Variants in PKN3 observed in about 807,000 individuals in gnomAD.
PKN3 encodes the protein protein kinase N3.
Under a neutral mutation model 113.1 loss-of-function variants are expected in PKN3, and 91 were observed. The observed-to-expected ratio is 0.80, with a 90% CI of 0.68 to 0.96. The LOEUF (loss-of-function observed/expected upper bound fraction) is 0.96. Ranked by LOEUF, PKN3 falls within the 40% of genes least tolerant of loss-of-function variation. The probability of loss-of-function intolerance (pLI) is 0.00; values close to 1 mark genes in which losing one functional copy is unlikely to be tolerated. For synonymous variants in PKN3, 467 were observed against 499.0 expected (o/e 0.94, Z 0.85); for missense variants, 1,052 against 1,202.2 (o/e 0.88, Z 1.85).
intron 6 of PKN3, among the ~76,000 whole-genome samples, chr9:128,708,959 C>T (rs796530868): frequency 1.1e-4 from 16 of 151,998 alleles, no homozygotes; most frequent in African/African-American, 3.9e-4. Context: ...TGAAACCAGC[C>T]TGGGCAACAT....
intron 5 of PKN3, 97 bp downstream of exon 5, chr9:128,707,120 T>C: frequency 6.3e-7 from 1 of 1,591,854 alleles, no homozygotes; most frequent in South Asian, 1.1e-5. Flanking sequence ...AAAGCAGGAC[T>C]TCTCTGTTGA....
intron 6 of PKN3, among the ~76,000 whole-genome samples, chr9:128,710,230 A>C (rs954135903): frequency 6.6e-6 from 1 of 151,408 alleles, no homozygotes; most frequent in Non-Finnish European, 1.5e-5. Flanking sequence ...GCCCGGCCAA[A>C]AAAGTTAATT....
In PKN3 at chr9:128,720,747, A is replaced by G. The variant is rs1862516917; in HGVS notation, c.*141A>G. ...GATTCAAAGTGGCAGCCATGGGGCC[A>G]CTGTTGTGGGCTTTGCTCAGTGTCA... is the stretch of plus-strand genomic sequence containing the variant. On this transcript the variant is annotated 3_prime_UTR_variant, in exon 22 of 22. Coordinates refer to ENST00000291906, the MANE Select transcript of PKN3 (RefSeq NM_013355.5). The surrounding 1 kb of genome is among the most constrained non-coding windows in gnomAD (Gnocchi z 5.5). 4.1e-6 allele frequency: 3 copies of G among 727,408 alleles called. No individual in the cohort carries two copies. The highest frequency in any genetic ancestry group is 2.6e-5 in the Admixed American group (1 of 39,172). The allele number at this position is 727,408 out of a possible 1,614,324, so 45.1% of individuals were successfully genotyped here.
At position 128,705,583 on chromosome 9, in the gene PKN3, T is replaced by G. The variant is rs573917272; in HGVS notation, c.265+40T>G. 2.6e-6 allele frequency: 4 copies of G among 1,548,576 alleles called. No individual in the cohort carries two copies. In the South Asian group the frequency reaches 4.8e-5, roughly 18 times the overall value. ...GAGACCCCCTCAGGACAGAAGGCTC[T>G]AGGCCCATCTGGCCCCTGGCCTTGG... On this transcript the variant is annotated intron_variant, in intron 2 of 21. Coordinates refer to ENST00000291906, the MANE Select transcript of PKN3 (RefSeq NM_013355.5).
intron 18 of PKN3, among the ~76,000 whole-genome samples, chr9:128,718,886 GT>G (rs1554781412): frequency 3.0e-5 from 1 of 33,000 alleles, no homozygotes; most frequent in Admixed American, 6.1e-4. Context: ...TCTGCCTTCT[GT>G]TTTTTTTTTG....
chr9:128,706,648 C>T, intron 3 of PKN3, 65 bp from the exon 4 acceptor site: 2 of 1,245,880 alleles, frequency 1.6e-6, no homozygotes, highest in East Asian at 5.1e-5. Flanking sequence ...GGCTCCAGTT[C>T]CTGGTCTGAT....
intron 16 of PKN3, among the ~76,000 whole-genome samples, chr9:128,718,108 C>T (rs1382112330): frequency 6.6e-6 from 1 of 152,020 alleles, no homozygotes; most frequent in Non-Finnish European, 1.5e-5. Flanking sequence ...CATTTAAGGG[C>T]CCATGAAGGG....
Position 128,702,797 on chromosome 9 carries a change from T to C in PKN3, c.-119T>C, listed in dbSNP as rs561202234. The stretch of plus-strand genomic sequence containing the variant: ...GCGGGTCTCGGGAGGGGGCGCCCGA[T>C]CCCGCGTCTCCGGCGCCGCTTCCCG... On this transcript the variant is annotated 5_prime_UTR_variant, in exon 1 of 22. Transcript: ENST00000291906. The C allele has an allele frequency of 1.3e-6, 1 of 751,916 alleles. No homozygotes were observed. The highest frequency in any genetic ancestry group is 1.6e-5 in the South Asian group (1 of 62,152). The allele number at this position is 751,916 out of a possible 1,614,324, so 46.6% of individuals were successfully genotyped here. A position where few individuals can be genotyped will look rare whatever the true frequency, so the allele number is the denominator to read the frequency against.
At chr9:128,716,611 AAATG>A (rs1468359144) in intron 15 of PKN3, 132 bp from the exon 16 acceptor site, 4 of 683,960 alleles carry the variant, frequency 5.8e-6, no homozygotes, top group Non-Finnish European at 1.0e-5. Flanking sequence ...AAAAAAAAAA[AAATG>A]AAAAGAAACC....
chr9:128,713,452 G>A (rs372784945), intron 8 of PKN3, 47 bp from the exon 9 acceptor site: 21 of 1,613,074 alleles, frequency 1.3e-5, no homozygotes, highest in African/African-American at 1.1e-4. Context: ...TGCCCAGGTC[G>A]GGGCTCGTTC....
At position 128,707,349 on chromosome 9, in the gene PKN3, C is replaced by T. The variant is rs200867685; in HGVS notation, c.779C>T (p.Ala260Val). Residue 260 changes from alanine to valine, a missense_variant, in exon 6 of 22, where the codon GCG becomes GTG. Physicochemically the swap from Ala to Val is moderately conservative, Grantham distance 64. Transcript: ENST00000291906. The stretch of plus-strand genomic sequence containing the variant: ...AGAGTGACCCGAGAGTTGCGGGCTG[C>T]GGTGCCTGGATACCCCCAGCCTTCA... ...RSRVTRELRA[A>V]VPGYPQPSGT... The T allele has an allele frequency of 9.1e-5, 147 of 1,613,454 alleles. 1 individual carries two copies. In the Admixed American group the frequency reaches 1.1e-3, roughly 12 times the overall value.
Position 128,714,232 on chromosome 9 carries a change from G to C in PKN3, c.1348G>C (p.Gly450Arg). The change falls in exon 11 of 22, where the codon GGC becomes CGC. Residue 450 changes from glycine to arginine, a missense_variant. Gly to Arg is a moderately radical substitution (Grantham distance 125). Around this residue, in one of 2 missense-constraint regions of PKN3, gnomAD observed 719 missense variants for 759.4 expected, o/e 0.95. Coordinates refer to ENST00000291906, the MANE Select transcript of PKN3 (RefSeq NM_013355.5). ...DFLRASQMNL[G>R]MAAWGRLVMN... The stretch of plus-strand genomic sequence containing the variant: ...CCTGAGGGCTTCGCAGATGAACCTC[G>C]GCATGGCGGCCTGGGGGCGCCTCGT... The C allele has an allele frequency of 1.2e-6, 2 of 1,613,900 alleles. No individual in the cohort carries two copies. Among genetic ancestry groups the C allele is most frequent in the African/African-American group, 2.7e-5 (2 of 74,984 alleles).
intron 11 of PKN3, 87 bp from the exon 12 acceptor site, chr9:128,714,475 T>C: frequency 9.0e-7 from 1 of 1,109,398 alleles, no homozygotes; most frequent in East Asian, 2.3e-5. Context: ...GCTAACCCTC[T>C]GTCCATCTCA....
intron 11 of PKN3, 37 bp downstream of exon 11, chr9:128,714,402 T>C: frequency 3.2e-6 from 5 of 1,553,524 alleles, no homozygotes. Context: ...CATGCTCCTC[T>C]GTGGCGGCTT....
rs1344677121 is a variant in PKN3 at position 128,720,036 on chromosome 9, G to A, written c.2376+19G>A. Reference sequence around the variant, plus strand: ...TCAGAAGGTAAGCACTGCGGGGTCTGGGGCTGGGCTGGATGGCCGCTCAAG... The same window carrying A: ...TCAGAAGGTAAGCACTGCGGGGTCTAGGGCTGGGCTGGATGGCCGCTCAAG... On this transcript the variant is annotated intron_variant, in intron 20 of 21. Coordinates refer to ENST00000291906, the MANE Select transcript of PKN3 (RefSeq NM_013355.5). The surrounding 1 kb of genome is among the most constrained non-coding windows in gnomAD (Gnocchi z 5.5). 1 of 1,603,736 alleles carries A rather than the reference G, an allele frequency of 6.2e-7. No individual in the cohort carries two copies. The highest frequency in any genetic ancestry group is 1.7e-5 in the Admixed American group (1 of 60,012).
Position 128,707,403 on chromosome 9 carries a change from C to A in PKN3, c.833C>A (p.Thr278Lys). 1.3e-6 allele frequency: 2 copies of A among 1,598,902 alleles called. No homozygotes were observed. The highest frequency in any genetic ancestry group is 8.5e-7 in the Non-Finnish European group (1 of 1,171,168). The part of the protein sequence containing the change: ...SGTPVKPTAL[T>K]GTLQVRLLGC... The stretch of plus-strand genomic sequence containing the variant: ...ACACCTGTGAAGCCCACCGCCCTAA[C>A]AGGTAGTCAGAAGTTCCTCCCCCTT... The change falls in exon 6 of 22, where the codon ACA (threonine) becomes AAA (lysine). Residue 278 changes from threonine (T) to lysine (K), a missense_variant and splice_region_variant. Around this residue, in one of 2 missense-constraint regions of PKN3, gnomAD observed 719 missense variants for 759.4 expected, o/e 0.95. Coordinates refer to ENST00000291906, the MANE Select transcript of PKN3 (RefSeq NM_013355.5).
chr9:128,719,866 G>C, intron 19 of PKN3, 38 bp downstream of exon 19: 3 of 1,605,604 alleles, frequency 1.9e-6, no homozygotes, highest in Non-Finnish European at 2.6e-6. Flanking sequence ...CTCTGGGTGG[G>C]GGTGGGGTGG....
At chr9:128,713,890 G>C (rs1862256911) in intron 9 of PKN3, among the ~76,000 whole-genome samples, 156 bp from the exon 10 acceptor site, 1 of 152,170 alleles carries the variant, frequency 6.6e-6, no homozygotes, top group Non-Finnish European at 1.5e-5. Context: ...TTCTCCACTA[G>C]TATCAATGAG....
chr9:128,719,733 T>A lies in PKN3; in HGVS notation c.2173T>A (p.Phe725Ile). Residue 725 changes from phenylalanine (F) to isoleucine (I), a missense_variant, in exon 19 of 22, where the codon TTC becomes ATC. Phe to Ile is a conservative substitution (Grantham distance 21, BLOSUM62 0). Transcript: ENST00000291906. ...TAGCACCTTCTGTGGCACCCCGGAG[T>A]TCCTGGCTCCCGAGGTGCTGACCCA... ...RTSTFCGTPE[F>I]LAPEVLTQEA... 6.3e-7 allele frequency: 1 copy of A among 1,593,384 alleles called. No homozygotes were observed. Among genetic ancestry groups the A allele is most frequent in the Non-Finnish European group, 8.6e-7 (1 of 1,168,832 alleles).
Sources: allele counts gnomAD v4.1 joint callset (sites outside exome capture counted in the v4.1 genomes callset), GRCh38; gene constraint gnomAD v4.1.1; regional missense constraint gnomAD v4.1.1; non-coding constraint Gnocchi (gnomAD v3.1); transcripts MANE v1.5; gene names NCBI Gene and HGNC (gene_info 2026-07-23, HGNC 2026-07-21).